Variants in CAST observed in about 807,000 individuals in gnomAD.
CAST encodes the protein MIR583 host.
A neutral mutation model predicts 119.6 loss-of-function variants in CAST; 76 were observed. That is an observed-to-expected ratio of 0.64 (90% CI 0.53 to 0.77). The LOEUF is 0.77. Ranked by LOEUF, CAST falls within the 30% of genes least tolerant of loss-of-function variation. The probability of loss-of-function intolerance (pLI) is 0.00; values close to 1 mark genes in which losing one functional copy is unlikely to be tolerated. For synonymous variants in CAST, 319 were observed against 331.6 expected (o/e 0.96, Z 0.41); for missense variants, 953 against 946.5 (o/e 1.01, Z -0.09).
the CAST span, among the ~76,000 whole-genome samples, chr5:96,314,328 T>C: frequency 1.3e-5 from 2 of 152,242 alleles, no homozygotes; most frequent in Non-Finnish European, 2.9e-5. Context: ...GCATCTTTCC[T>C]GTTGCCTTTA....
At chr5:96,363,140 G>A in the CAST span, among the ~76,000 whole-genome samples, 1 of 149,062 alleles carries the variant, frequency 6.7e-6, no homozygotes, top group African/African-American at 2.5e-5. Flanking sequence ...AGATCAGATG[G>A]TTGTAGATGT....
the CAST span, among the ~76,000 whole-genome samples, chr5:96,491,151 G>A: frequency 6.6e-6 from 1 of 152,184 alleles, no homozygotes; most frequent in South Asian, 2.1e-4. Context: ...CAAATTAAAA[G>A]TACATGTGAT....
At chr5:96,429,251 C>G in the CAST span, 1 of 1,600,730 alleles carries the variant, frequency 6.2e-7, no homozygotes, top group Non-Finnish European at 8.6e-7. Flanking sequence ...ATATGAAAGG[C>G]ACTCCTTCGA....
At chr5:95,982,520 G>A in the CAST span, among the ~76,000 whole-genome samples, 4 of 152,262 alleles carry the variant, frequency 2.6e-5, no homozygotes, top group East Asian at 3.9e-4. Context: ...TTGGCCAAGT[G>A]ACTTATCATC....
At chr5:96,414,344 G>A in the CAST span, among the ~76,000 whole-genome samples, 3 of 152,104 alleles carry the variant, frequency 2.0e-5, no homozygotes, top group Admixed American at 6.5e-5. Flanking sequence ...CACCATTTGA[G>A]GTGGGTGCCG....
At chr5:96,369,045 A>G in the CAST span, among the ~76,000 whole-genome samples, 6 of 152,064 alleles carry the variant, frequency 3.9e-5, no homozygotes, top group Admixed American at 3.3e-4. Flanking sequence ...CAATTATTTA[A>G]TGATTATTTC....
At chr5:96,186,783 T>A in the CAST span, among the ~76,000 whole-genome samples, 12 of 152,214 alleles carry the variant, frequency 7.9e-5, no homozygotes, top group Non-Finnish European at 1.6e-4. Context: ...GCATTGATGT[T>A]CATCAAGGAT....
At chr5:95,977,641 A>C in the CAST span, among the ~76,000 whole-genome samples, 1 of 151,926 alleles carries the variant, frequency 6.6e-6, no homozygotes, top group African/African-American at 2.4e-5. Context: ...AAGATAAGTG[A>C]TTTTTCTTTT....
Position 96,740,133 on chromosome 5 carries a change from C to G in CAST, c.879+15C>G. The G allele has an allele frequency of 8.7e-7, 1 of 1,148,156 alleles. No individual in the cohort carries two copies. Among genetic ancestry groups the G allele is most frequent in the Non-Finnish European group, 1.3e-6 (1 of 779,318 alleles). 71.1% of individuals were successfully genotyped at this position (1,148,156 alleles called of 1,614,324 possible). A position where few individuals can be genotyped will look rare whatever the true frequency, so the allele number is the denominator to read the frequency against. On this transcript the variant is annotated intron_variant, in intron 12 of 31. Coordinates refer to ENST00000675179, the MANE Select transcript of CAST (RefSeq NM_001750.7). ...AACTATTGGCTGTAAGTTAAATAAT[C>G]ATTTACTTTTATTTCACTGTTTCCT... is the stretch of plus-strand genomic sequence containing the variant.
chr5:96,064,179 G>A, the CAST span, among the ~76,000 whole-genome samples: 1 of 152,152 alleles, frequency 6.6e-6, no homozygotes, highest in African/African-American at 2.4e-5. Flanking sequence ...TGGTAGCAAA[G>A]AGACAGTAGT....
the CAST span, among the ~76,000 whole-genome samples, chr5:96,236,249 G>A: frequency 6.6e-6 from 1 of 152,134 alleles, no homozygotes; most frequent in Non-Finnish European, 1.5e-5. Flanking sequence ...AATGGTAACT[G>A]CAATTCCTTT....
the CAST span, among the ~76,000 whole-genome samples, chr5:96,438,316 GT>G: frequency 6.6e-6 from 1 of 152,092 alleles, no homozygotes; most frequent in Admixed American, 6.6e-5. Context: ...TTTACATCTG[GT>G]GTAACCATAT....
At chr5:96,185,385 G>A in the CAST span, among the ~76,000 whole-genome samples, 3 of 152,120 alleles carry the variant, frequency 2.0e-5, no homozygotes, top group African/African-American at 4.8e-5. Context: ...TGCTTTTGTT[G>A]CAATTGCTTT....
chr5:96,192,568 A>G, the CAST span, among the ~76,000 whole-genome samples: 2 of 152,232 alleles, frequency 1.3e-5, no homozygotes, highest in Non-Finnish European at 2.9e-5. Flanking sequence ...CAGTTTTCAA[A>G]AGGAAGGATG....
chr5:96,660,446 T>G (rs1332495907), upstream of CAST, among the ~76,000 whole-genome samples: 3 of 152,250 alleles, frequency 2.0e-5, no homozygotes, highest in Admixed American at 2.0e-4. Context: ...TATCTCTCCT[T>G]CTACTAGTCC....
chr5:96,617,944 A>C (rs1747502996), intron 1 of CAST, among the ~76,000 whole-genome samples: 1 of 152,068 alleles, frequency 6.6e-6, no homozygotes, highest in East Asian at 1.9e-4. Flanking sequence ...TTCAGCTGGA[A>C]GGAATAGCAT....
the CAST span, among the ~76,000 whole-genome samples, chr5:96,078,054 G>C: frequency 6.6e-6 from 1 of 152,028 alleles, no homozygotes; most frequent in Non-Finnish European, 1.5e-5. Flanking sequence ...CTATTAAATT[G>C]GTATAATAAA....
At chr5:96,534,737 G>GAGAGAGAGAGAGAGAAAGAGAA (rs1561408818) in intron 1 of CAST, among the ~76,000 whole-genome samples, 4 of 14,200 alleles carry the variant, frequency 2.8e-4, no homozygotes, top group African/African-American at 8.7e-4. Flanking sequence ...GAGAGAGAGA[G>GAGAGAGAGAGAGAGAAAGAGAA]AGAGAAAGAA....
the CAST span, among the ~76,000 whole-genome samples, chr5:96,130,588 G>A: frequency 6.6e-6 from 1 of 151,896 alleles, no homozygotes; most frequent in Non-Finnish European, 1.5e-5. Context: ...TGTATGGAGG[G>A]TATTGTTCTG....
Sources: allele counts gnomAD v4.1 joint callset (sites outside exome capture counted in the v4.1 genomes callset), GRCh38; gene constraint gnomAD v4.1.1; transcripts MANE v1.5; gene names NCBI Gene and HGNC (gene_info 2026-07-23, HGNC 2026-07-21).